Variants in RBFOX1 observed in about 807,000 individuals in gnomAD.
RBFOX1 encodes the protein RNA binding fox-1 homolog 1.
Under a neutral mutation model 57.7 loss-of-function variants are expected in RBFOX1, and 8 were observed. That is an observed-to-expected ratio of 0.14 (90% CI 0.08 to 0.25). The LOEUF (loss-of-function observed/expected upper bound fraction) is 0.25, where lower values mean the gene tolerates loss of function less well. Ranked by LOEUF, RBFOX1 falls within the 10% of genes least tolerant of loss-of-function variation. RBFOX1 has a pLI of 1.00. For missense variants in RBFOX1, 611 were observed against 548.5 expected (o/e 1.11, Z -1.14); for synonymous variants, 326 against 222.4 (o/e 1.47, Z -4.15).
At chr16:7,292,211 T>A (rs1239018285) in intron 4 of RBFOX1, among the ~76,000 whole-genome samples, 1 of 122,316 alleles carries the variant, frequency 8.2e-6, no homozygotes, top group Non-Finnish European at 1.6e-5. Flanking sequence ...ATATATCATA[T>A]ATATGATATA....
chr16:6,498,393 T>C (rs1164483692), intron 2 of RBFOX1, among the ~76,000 whole-genome samples: 2 of 152,132 alleles, frequency 1.3e-5, no homozygotes, highest in Non-Finnish European at 2.9e-5. Flanking sequence ...ATTTCGTTAA[T>C]AGAGGAACAA....
chr16:5,406,997 A>G lies in RBFOX1; in HGVS notation c.220-60219A>G, dbSNP rs562889681. ...TATTAGTCCACTTTCACACTGCTAT[A>G]TAAAGATACTACCCTAGACTGGGTA... On this transcript the variant is annotated intron_variant, in intron 1 of 2. Transcript: ENST00000585867. Among the ~76,000 whole-genome samples the G allele has an allele frequency of 3.9e-5, 6 of 152,322 alleles. No homozygotes were observed. In the South Asian group the frequency reaches 1.0e-3, roughly 26 times the overall value.
At chr16:6,027,805 C>G (rs532054728) in intron 1 of RBFOX1, among the ~76,000 whole-genome samples, 1 of 152,130 alleles carries the variant, frequency 6.6e-6, no homozygotes, top group Non-Finnish European at 1.5e-5. Context: ...TTGACTGTAA[C>G]TGAGGTGACA....
chr16:6,708,535 C>A (rs1603449252), intron 3 of RBFOX1, among the ~76,000 whole-genome samples: 2 of 152,234 alleles, frequency 1.3e-5, no homozygotes, highest in East Asian at 3.9e-4. Flanking sequence ...GACAATTTCG[C>A]ACAAATATGT....
At chr16:5,943,882 C>T (rs1408250971) in intron 4 of RBFOX1, among the ~76,000 whole-genome samples, 1 of 151,988 alleles carries the variant, frequency 6.6e-6, no homozygotes, top group Non-Finnish European at 1.5e-5. Flanking sequence ...TCTACCTGTT[C>T]ACCCAGCCAT....
intron 1 of RBFOX1, among the ~76,000 whole-genome samples, chr16:5,336,553 T>A (rs2151286106): frequency 6.6e-6 from 1 of 152,324 alleles, no homozygotes; most frequent in Non-Finnish European, 1.5e-5. Context: ...TGTGGACAAC[T>A]TGATCCCTGG....
chr16:6,721,792 T>C (rs79074976), intron 3 of RBFOX1: 1,658 of 152,544 alleles, frequency 0.011, 47 homozygotes, highest in East Asian at 0.083. Context: ...CTGCTTCCTT[T>C]TGGGCGTGGA....
intron 12 of RBFOX1, among the ~76,000 whole-genome samples, chr16:7,659,134 G>A (rs957774267): frequency 9.9e-5 from 15 of 152,184 alleles, no homozygotes; most frequent in African/African-American, 3.4e-4. Context: ...TCAGGTAATT[G>A]TCATACATCT....
At chr16:7,657,315 T>A (rs2013362) in intron 12 of RBFOX1, among the ~76,000 whole-genome samples, 78,399 of 151,460 alleles carry the variant, frequency 0.52, 20,855 homozygotes, top group Non-Finnish European at 0.59. Flanking sequence ...TTAAAAAAAA[T>A]TTTTTTTGAG....
At chr16:5,264,585 T>C (rs1744979856) in intron 1 of RBFOX1, among the ~76,000 whole-genome samples, 1 of 152,220 alleles carries the variant, frequency 6.6e-6, no homozygotes, top group Non-Finnish European at 1.5e-5. Flanking sequence ...TTAAAACATT[T>C]TTGTATTTGC....
chr16:5,551,298 G>A (rs921910410), intron 2 of RBFOX1, among the ~76,000 whole-genome samples: 2 of 152,174 alleles, frequency 1.3e-5, no homozygotes, highest in Admixed American at 6.5e-5. Context: ...GAACACTTCA[G>A]CATCCATGGA....
At chr16:7,146,944 G>A (rs924140448) in intron 4 of RBFOX1, among the ~76,000 whole-genome samples, 1 of 107,072 alleles carries the variant, frequency 9.3e-6, no homozygotes, top group African/African-American at 3.6e-5. Flanking sequence ...GTGATACCCT[G>A]CATCAAAATA....
At chr16:6,991,754 C>G (rs1360515078) in intron 3 of RBFOX1, among the ~76,000 whole-genome samples, 2 of 152,102 alleles carry the variant, frequency 1.3e-5, no homozygotes, top group Non-Finnish European at 2.9e-5. Context: ...CCAGGCTGGT[C>G]TTGAACTCCT....
chr16:6,031,060 C>T (rs1427022287), intron 1 of RBFOX1, among the ~76,000 whole-genome samples: 1 of 152,146 alleles, frequency 6.6e-6, no homozygotes, highest in African/African-American at 2.4e-5. Flanking sequence ...ATTAAAACGG[C>T]AACAGAATGG....
At chr16:6,732,527 T>C (rs1389989482) in intron 3 of RBFOX1, among the ~76,000 whole-genome samples, 2 of 152,200 alleles carry the variant, frequency 1.3e-5, no homozygotes, top group African/African-American at 2.4e-5. Context: ...AGAAAACATT[T>C]AGTGTAGCAG....
At chr16:7,483,020 G>A (rs1277923910) in intron 4 of RBFOX1, among the ~76,000 whole-genome samples, 1 of 152,122 alleles carries the variant, frequency 6.6e-6, no homozygotes, top group Non-Finnish European at 1.5e-5. Flanking sequence ...TCATGAACCT[G>A]GGCCCCTCAG....
intron 3 of RBFOX1, among the ~76,000 whole-genome samples, chr16:5,653,512 G>A (rs2049319858): frequency 6.6e-6 from 1 of 151,886 alleles, no homozygotes; most frequent in African/African-American, 2.4e-5. Flanking sequence ...AAGTTGGGGT[G>A]CGGAGCCGTG....
At chr16:6,512,896 G>C (rs985124545) in intron 2 of RBFOX1, among the ~76,000 whole-genome samples, 59 of 152,310 alleles carry the variant, frequency 3.9e-4, no homozygotes, top group Admixed American at 2.6e-4. Context: ...TTTTTAACTA[G>C]AGAGAATGTC....
intron 4 of RBFOX1, among the ~76,000 whole-genome samples, chr16:7,104,937 G>C (rs533801851): frequency 2.7e-4 from 41 of 149,302 alleles, no homozygotes; most frequent in African/African-American, 1.0e-3. Context: ...AAATCTCTGT[G>C]CTTGTGTGTG....
Sources: gnomAD v4.1 joint callset for allele counts (sites outside exome capture counted in the v4.1 genomes callset) on GRCh38, gnomAD v4.1.1 for gene constraint, MANE v1.5 for transcripts, NCBI Gene and HGNC (gene_info 2026-07-23, HGNC 2026-07-21) for gene names.